NTM: variants seen among roughly 807,000 people sequenced by gnomAD.
The protein encoded by NTM is IgLON family member 2.
NTM carries 13 observed loss-of-function variants against 42.1 expected under a neutral mutation model. The observed-to-expected ratio is 0.31, with a 90% CI of 0.20 to 0.49. The LOEUF is 0.49. Ranked by LOEUF, NTM falls within the 20% of genes least tolerant of loss-of-function variation. The probability of loss-of-function intolerance (pLI) is 0.99; values close to 1 mark genes in which losing one functional copy is unlikely to be tolerated. For synonymous variants in NTM, 187 were observed against 179.2 expected (o/e 1.04, Z -0.35); for missense variants, 373 against 452.8 (o/e 0.82, Z 1.60).
chr11:132,128,918 A>C (rs1275207627), intron 2 of NTM, among the ~76,000 whole-genome samples: 1 of 128,774 alleles, frequency 7.8e-6, no homozygotes, highest in African/African-American at 3.0e-5. Context: ...AGCCTGGGCG[A>C]TAGAGCGAGA....
intron 2 of NTM, among the ~76,000 whole-genome samples, chr11:132,032,948 G>T (rs2076101193): frequency 6.6e-6 from 1 of 152,308 alleles, no homozygotes; most frequent in East Asian, 1.9e-4. Context: ...ACATTTAGTA[G>T]GATTTTAGTA....
intron 1 of NTM, among the ~76,000 whole-genome samples, chr11:131,494,570 C>G (rs1955138139): frequency 6.6e-6 from 1 of 152,190 alleles, no homozygotes; most frequent in Non-Finnish European, 1.5e-5. Flanking sequence ...ATAACTGGGA[C>G]AGTCTGGGGC....
chr11:131,722,741 A>ACAG (rs1349203740), intron 1 of NTM, among the ~76,000 whole-genome samples: 4 of 152,214 alleles, frequency 2.6e-5, no homozygotes, highest in Non-Finnish European at 5.9e-5. Flanking sequence ...GTCTCCCATG[A>ACAG]TGATTAGCTG....
At chr11:132,334,809 T>G (rs2095857827) in intron 8 of NTM, among the ~76,000 whole-genome samples, 1 of 151,842 alleles carries the variant, frequency 6.6e-6, no homozygotes, top group African/African-American at 2.4e-5. Context: ...CAGGACACTT[T>G]AACCTGAGCC....
intron 1 of NTM, among the ~76,000 whole-genome samples, chr11:131,381,664 C>T (rs891079034): frequency 5.9e-5 from 9 of 152,252 alleles, no homozygotes; most frequent in East Asian, 1.9e-4. Flanking sequence ...ATTTCACTTG[C>T]CCTGTCTCCT....
chr11:131,445,145 A>G (rs2136003034), intron 1 of NTM, among the ~76,000 whole-genome samples: 1 of 152,320 alleles, frequency 6.6e-6, no homozygotes, highest in African/African-American at 2.4e-5. Flanking sequence ...TGAATTAGTG[A>G]TAATATTTAA....
intron 1 of NTM, among the ~76,000 whole-genome samples, chr11:131,683,945 T>C (rs2073417464): frequency 6.6e-6 from 1 of 152,222 alleles, no homozygotes; most frequent in Admixed American, 6.5e-5. Context: ...AAGGGCGTTC[T>C]GAAGGGCAGG....
intron 4 of NTM, among the ~76,000 whole-genome samples, chr11:132,232,968 A>G (rs2087942725): frequency 6.6e-6 from 1 of 152,244 alleles, no homozygotes; most frequent in Non-Finnish European, 1.5e-5. Context: ...ACACAGCACA[A>G]TTAATCTGAA....
chr11:131,517,119 G>A (rs563727136), intron 1 of NTM, among the ~76,000 whole-genome samples: 23 of 152,296 alleles, frequency 1.5e-4, no homozygotes, highest in African/African-American at 4.1e-4. Context: ...TGATCACAAT[G>A]TCTGACTTCT....
chr11:131,461,119 C>T (rs764999061), intron 1 of NTM, among the ~76,000 whole-genome samples: 3 of 152,180 alleles, frequency 2.0e-5, no homozygotes, highest in Non-Finnish European at 4.4e-5. Flanking sequence ...GCAAAAGCTA[C>T]CTTGCTCTAC....
intron 1 of NTM, among the ~76,000 whole-genome samples, chr11:131,749,612 G>T (rs2082236279): frequency 6.6e-6 from 1 of 151,964 alleles, no homozygotes. Flanking sequence ...CTTTTGTTTT[G>T]TTTGACATGG....
chr11:131,436,248 C>CT (rs569632252), intron 1 of NTM, among the ~76,000 whole-genome samples: 52 of 152,054 alleles, frequency 3.4e-4, no homozygotes, highest in Admixed American at 2.5e-3. Flanking sequence ...CTAAAATTCT[C>CT]TTTTTTTTGT....
At chr11:131,968,759 A>G (rs985989751) in intron 2 of NTM, among the ~76,000 whole-genome samples, 2 of 152,138 alleles carry the variant, frequency 1.3e-5, no homozygotes, top group African/African-American at 2.4e-5. Context: ...TATAATTCAC[A>G]CATATCCTCC....
chr11:132,231,676 G>A (rs1034011105), intron 4 of NTM, among the ~76,000 whole-genome samples: 1 of 152,128 alleles, frequency 6.6e-6, no homozygotes, highest in Non-Finnish European at 1.5e-5. Context: ...GTCATTGCTG[G>A]GTAAGCAACT....
At chr11:131,639,129 G>A (rs2064811031) in intron 1 of NTM, among the ~76,000 whole-genome samples, 1 of 152,192 alleles carries the variant, frequency 6.6e-6, no homozygotes, top group Non-Finnish European at 1.5e-5. Context: ...AGCTCACACT[G>A]GTACAACTAT....
rs192711305 is a variant in NTM, at chr11:131,982,631, G to A, written c.167+70983G>A. Among the ~76,000 whole-genome samples, 21 of 152,256 alleles carry A rather than the reference G, an allele frequency of 1.4e-4. No individual in the cohort carries two copies. The East Asian group carries it at 3.9e-3, about 28-fold the overall frequency. Reference sequence around the variant, plus strand: ...GGAGACACATAAAATGAAAGGGGGGGCAGGGTGGAATAAAGGGAAAAATTA... The same window carrying A: ...GGAGACACATAAAATGAAAGGGGGGACAGGGTGGAATAAAGGGAAAAATTA... On this transcript the variant is annotated intron_variant, in intron 2 of 8. Coordinates refer to ENST00000683400, the MANE Select transcript of NTM (RefSeq NM_001352005.2).
At chr11:131,691,417 C>T (rs1212520116) in intron 1 of NTM, among the ~76,000 whole-genome samples, 2 of 152,172 alleles carry the variant, frequency 1.3e-5, no homozygotes, top group African/African-American at 2.4e-5. Context: ...GTCCACGTCA[C>T]GAGGAGCTCC....
chr11:132,121,915 A>T (rs973996453), intron 2 of NTM, among the ~76,000 whole-genome samples: 2 of 152,254 alleles, frequency 1.3e-5, no homozygotes, highest in African/African-American at 4.8e-5. Context: ...ATGCATGTGC[A>T]TTAGTGCCAA....
chr11:131,608,339 G>A (rs945083998), intron 1 of NTM, among the ~76,000 whole-genome samples: 1 of 152,166 alleles, frequency 6.6e-6, no homozygotes, highest in African/African-American at 2.4e-5. Flanking sequence ...TGCATGAGAT[G>A]ACTTGATAGG....
Sources: gnomAD v4.1 joint callset for allele counts (sites outside exome capture counted in the v4.1 genomes callset) on GRCh38, gnomAD v4.1.1 for gene constraint, MANE v1.5 for transcripts, NCBI Gene and HGNC (gene_info 2026-07-23, HGNC 2026-07-21) for gene names.